Variants in RNF125 observed in about 807,000 individuals in gnomAD.
The protein encoded by RNF125 is ring finger protein 125, also known as E3 ubiquitin-protein ligase RNF125.
RNF125 carries 21 observed loss-of-function variants against 26.0 expected under a neutral mutation model. The observed-to-expected ratio is 0.81, with a 90% CI of 0.57 to 1.16. The LOEUF is 1.16. RNF125 is among the 50% of genes most tolerant of loss of function. The probability of loss-of-function intolerance (pLI) is 0.00; values close to 1 mark genes in which losing one functional copy is unlikely to be tolerated. For missense variants in RNF125, 270 were observed against 299.4 expected, an observed-to-expected ratio of 0.90 and a Z score of 0.72; for synonymous variants, 95 against 109.2, an observed-to-expected ratio of 0.87 and a Z score of 0.81.
chr18:32,026,160 G>T (rs930468079), intron 1 of RNF125, among the ~76,000 whole-genome samples: 2 of 150,120 alleles, frequency 1.3e-5, no homozygotes, highest in African/African-American at 4.9e-5. Flanking sequence ...CGCCTCCTGG[G>T]TTCAAGCGAT....
At chr18:32,064,618 A>C (rs2039467836) in intron 4 of RNF125, among the ~76,000 whole-genome samples, 2 of 151,830 alleles carry the variant, frequency 1.3e-5, no homozygotes, top group African/African-American at 4.8e-5. Flanking sequence ...ATCTTTTTTC[A>C]AGCAATTCTC....
intron 4 of RNF125, among the ~76,000 whole-genome samples, chr18:32,064,240 C>T (rs2039461378): frequency 6.6e-6 from 1 of 151,944 alleles, no homozygotes; most frequent in Non-Finnish European, 1.5e-5. Flanking sequence ...AGTGATCCAC[C>T]TCCCAAAGTG....
intron 1 of RNF125, among the ~76,000 whole-genome samples, chr18:32,031,963 G>T (rs773727598): frequency 4.6e-5 from 7 of 152,114 alleles, no homozygotes; most frequent in South Asian, 4.2e-4. Context: ...GCAGTGGCGC[G>T]ATCTCAGCTC....
chr18:32,042,978 ATC>A (rs1212248896), intron 3 of RNF125, among the ~76,000 whole-genome samples: 1 of 151,528 alleles, frequency 6.6e-6, no homozygotes, highest in African/African-American at 2.4e-5. Flanking sequence ...GCGAAACCCC[ATC>A]TCTACTAAAA....
chr18:32,019,077 T>TG, intron 1 of RNF125, 50 bp downstream of exon 1: 1 of 1,590,832 alleles, frequency 6.3e-7, no homozygotes. Flanking sequence ...GAGGGCGATG[T>TG]GGGGAAGCTG....
At chr18:32,045,787 G>A (rs1485205213) in intron 4 of RNF125, 55 bp downstream of exon 4, 2 of 1,092,194 alleles carry the variant, frequency 1.8e-6, no homozygotes, top group Non-Finnish European at 2.8e-6. Context: ...GACACATTAG[G>A]AAATCCATTT....
At chr18:32,085,641 A>C in the RNF125 span, among the ~76,000 whole-genome samples, 1 of 138,934 alleles carries the variant, frequency 7.2e-6, no homozygotes, top group Non-Finnish European at 1.5e-5. Context: ...TGGAGGTTGC[A>C]GTGAGCCAAG....
chr18:32,032,654 C>T (rs762193855), intron 1 of RNF125, among the ~76,000 whole-genome samples: 14 of 152,054 alleles, frequency 9.2e-5, no homozygotes, highest in South Asian at 2.1e-4. Flanking sequence ...AACTTTCAAA[C>T]TCGCTTCTTC....
At chr18:32,020,030 G>GTGTT (rs1002995123) in intron 1 of RNF125, among the ~76,000 whole-genome samples, 17 of 147,152 alleles carry the variant, frequency 1.2e-4, no homozygotes, top group Non-Finnish European at 4.5e-5. Flanking sequence ...GTGTGTGTGT[G>GTGTT]TGTTTGAGAG....
intron 1 of RNF125, among the ~76,000 whole-genome samples, chr18:32,030,838 A>G (rs1411364449): frequency 2.0e-5 from 3 of 152,150 alleles, no homozygotes; most frequent in Non-Finnish European, 4.4e-5. Flanking sequence ...AGAGTGGGAA[A>G]ATGCACGTGA....
At chr18:32,087,511 C>T in the RNF125 span, among the ~76,000 whole-genome samples, 1 of 151,652 alleles carries the variant, frequency 6.6e-6, no homozygotes, top group African/African-American at 2.4e-5. Context: ...TAGAGGACAC[C>T]CATTTGCTGT....
At chr18:32,049,354 G>A (rs1220438359) in intron 4 of RNF125, among the ~76,000 whole-genome samples, 1 of 152,186 alleles carries the variant, frequency 6.6e-6, no homozygotes, top group Non-Finnish European at 1.5e-5. Flanking sequence ...TTCATCATTT[G>A]TAAAATGGGG....
the RNF125 span, among the ~76,000 whole-genome samples, chr18:32,078,908 T>C: frequency 1.2e-4 from 18 of 152,328 alleles, no homozygotes; most frequent in African/African-American, 4.3e-4. Context: ...TTTCATTATT[T>C]TTCTGAAAAG....
At chr18:32,020,104 TCACTGCAACCTCCGCC>T (rs112834172) in intron 1 of RNF125, among the ~76,000 whole-genome samples, 55 of 151,696 alleles carry the variant, frequency 3.6e-4, no homozygotes, top group Middle Eastern at 3.4e-3. Flanking sequence ...CTATCTCGGC[TCACTGCAACCTCCGCC>T]CACTGCAACC....
intron 4 of RNF125, among the ~76,000 whole-genome samples, chr18:32,050,401 C>G (rs1262949173): frequency 6.6e-6 from 1 of 152,146 alleles, no homozygotes; most frequent in African/African-American, 2.4e-5. Flanking sequence ...CTCACTGTAA[C>G]CTTGAACTCC....
intron 4 of RNF125, among the ~76,000 whole-genome samples, chr18:32,063,527 G>A (rs2039454475): frequency 6.6e-6 from 1 of 152,142 alleles, no homozygotes; most frequent in Admixed American, 6.5e-5. Flanking sequence ...ATTTTACAAA[G>A]TTAAACATAT....
intron 4 of RNF125, among the ~76,000 whole-genome samples, chr18:32,064,396 C>CTTT (rs775086863): frequency 0.027 from 2,334 of 86,734 alleles, 249 homozygotes; most frequent in African/African-American, 0.09. Context: ...TTTTCTTTTT[C>CTTT]TTTTTTTTTT....
At chr18:32,050,355 T>G (rs1324939346) in intron 4 of RNF125, among the ~76,000 whole-genome samples, 1 of 152,218 alleles carries the variant, frequency 6.6e-6, no homozygotes, top group African/African-American at 2.4e-5. Flanking sequence ...GGTCTCGCTC[T>G]GTCACCCAGG....
chr18:32,046,651 C>G (rs1167134513), intron 4 of RNF125, among the ~76,000 whole-genome samples: 3 of 146,468 alleles, frequency 2.0e-5, no homozygotes, highest in Non-Finnish European at 3.0e-5. Flanking sequence ...ACACTAGAAA[C>G]AAAAAGTAGT....
Sources: gnomAD v4.1 joint callset for allele counts (sites outside exome capture counted in the v4.1 genomes callset) on GRCh38, gnomAD v4.1.1 for gene constraint, MANE v1.5 for transcripts, NCBI Gene and HGNC (gene_info 2026-07-23, HGNC 2026-07-21) for gene names.